FGF12: variants seen among roughly 807,000 people sequenced by gnomAD.
FGF12 encodes fibroblast growth factor 12.
In FGF12, 14 loss-of-function variants were observed where a neutral mutation model predicts 23.6. The observed-to-expected ratio is 0.59, with a 90% CI of 0.39 to 0.93. The LOEUF (loss-of-function observed/expected upper bound fraction) is 0.93. FGF12 is among the 40% of genes least tolerant of loss of function. The pLI, the probability that FGF12 is intolerant of heterozygous loss-of-function variation, is 0.00. For missense variants in FGF12, 175 were observed against 217.8 expected (o/e 0.80, Z 1.24); for synonymous variants, 62 against 77.3 (o/e 0.80, Z 1.04).
intron 2 of FGF12, among the ~76,000 whole-genome samples, chr3:192,657,112 T>C (rs1473836813): frequency 1.3e-5 from 2 of 151,720 alleles, no homozygotes; most frequent in African/African-American, 4.8e-5. Flanking sequence ...GAGGTTTTTT[T>C]TTTCCTTTAC....
At chr3:192,286,762 A>G (rs762189138) in intron 4 of FGF12, among the ~76,000 whole-genome samples, 3 of 151,906 alleles carry the variant, frequency 2.0e-5, no homozygotes, top group Non-Finnish European at 4.4e-5. Flanking sequence ...AATTATCTTC[A>G]TTTTTATCAA....
intron 2 of FGF12, among the ~76,000 whole-genome samples, chr3:192,441,959 G>A (rs757642374): frequency 6.6e-6 from 1 of 152,176 alleles, no homozygotes; most frequent in Non-Finnish European, 1.5e-5. Context: ...TAATAAAACT[G>A]CTATTGCTGC....
chr3:192,472,873 A>G (rs1009159572), intron 2 of FGF12, among the ~76,000 whole-genome samples: 1 of 152,182 alleles, frequency 6.6e-6, no homozygotes, highest in Admixed American at 6.5e-5. Context: ...TTTACTTGGT[A>G]TTGAGAAGTA....
chr3:192,222,212 G>T (rs1260459925), intron 4 of FGF12, among the ~76,000 whole-genome samples: 1 of 152,048 alleles, frequency 6.6e-6, no homozygotes, highest in East Asian at 1.9e-4. Context: ...AAAAGAGATG[G>T]ATGAAAGCCA....
intron 2 of FGF12, among the ~76,000 whole-genome samples, chr3:192,474,897 A>AAAAAAAAG (rs60312309): frequency 1.1e-4 from 17 of 149,188 alleles, no homozygotes; most frequent in African/African-American, 4.1e-4. Context: ...AAAAAAAAAA[A>AAAAAAAAG]AAAGAAAGAA....
chr3:192,654,816 G>A (rs1716340714), intron 2 of FGF12, among the ~76,000 whole-genome samples: 1 of 152,050 alleles, frequency 6.6e-6, no homozygotes, highest in Non-Finnish European at 1.5e-5. Context: ...CAGAAAGAGT[G>A]TCCTCATGAT....
intron 2 of FGF12, among the ~76,000 whole-genome samples, chr3:192,641,068 C>A: frequency 6.7e-6 from 1 of 150,080 alleles, no homozygotes; most frequent in East Asian, 2.0e-4. Flanking sequence ...AATACTGGGA[C>A]TACAGTTGTG....
intron 2 of FGF12, among the ~76,000 whole-genome samples, chr3:192,567,757 C>CTTTCT (rs1028407060): frequency 7.8e-6 from 1 of 128,224 alleles, no homozygotes; most frequent in Admixed American, 8.0e-5. Context: ...TTCTTTCTTT[C>CTTTCT]TTTCTTTCTT....
intron 4 of FGF12, among the ~76,000 whole-genome samples, chr3:192,320,309 G>A (rs936211491): frequency 3.3e-5 from 5 of 152,064 alleles, no homozygotes; most frequent in African/African-American, 4.8e-5. Flanking sequence ...AAATATAAAT[G>A]CACCCAACAC....
chr3:192,166,768 C>A (rs1466568410), intron 5 of FGF12, among the ~76,000 whole-genome samples: 1 of 151,986 alleles, frequency 6.6e-6, no homozygotes, highest in Admixed American at 6.6e-5. Flanking sequence ...AGTTAGTTCC[C>A]TAAGACAAAA....
At chr3:192,569,292 C>T (rs2108602798) in intron 2 of FGF12, among the ~76,000 whole-genome samples, 1 of 152,286 alleles carries the variant, frequency 6.6e-6, no homozygotes, top group East Asian at 1.9e-4. Context: ...TCAGTTGCTT[C>T]ATCTAATGAA....
chr3:192,346,620 T>C (rs58752024), intron 3 of FGF12, among the ~76,000 whole-genome samples: 12,550 of 152,170 alleles, frequency 0.082, 800 homozygotes, highest in African/African-American at 0.17. Context: ...ATCCAGTAAC[T>C]AGAACGCAGT....
chr3:192,522,090 C>T (rs7613295), intron 2 of FGF12, among the ~76,000 whole-genome samples: 135,164 of 151,712 alleles, frequency 0.89, 60,179 homozygotes, highest in Non-Finnish European at 0.9. Context: ...CCCAGCTACT[C>T]GGGAGGCTGA....
In FGF12 at chr3:192,310,708, G is replaced by C. The variant is rs118063025; in HGVS notation, c.228+24653C>G. 9.6e-4 allele frequency among the ~76,000 whole-genome samples: 146 copies of C among 152,274 alleles called. 2 individuals are homozygous for C. In the East Asian group the frequency reaches 0.017, roughly 18 times the overall value. On this transcript the variant is annotated intron_variant, in intron 4 of 5. Coordinates refer to ENST00000445105, the MANE Select transcript of FGF12 (RefSeq NM_004113.6). ...CTACTCAAATGTACCACCTCATTAAGAGATATGTATAATTTTTTTAAGTGC... is the reference window on the plus strand; with the variant it reads ...CTACTCAAATGTACCACCTCATTAACAGATATGTATAATTTTTTTAAGTGC...
intron 2 of FGF12, among the ~76,000 whole-genome samples, chr3:192,410,631 C>G (rs1165903282): frequency 6.6e-6 from 1 of 152,160 alleles, no homozygotes; most frequent in Non-Finnish European, 1.5e-5. Context: ...CATTTTGGAA[C>G]AGGAAAAAGT....
chr3:192,623,536 CTTTG>C (rs2108649656), intron 2 of FGF12, among the ~76,000 whole-genome samples: 1 of 152,226 alleles, frequency 6.6e-6, no homozygotes, highest in Non-Finnish European at 1.5e-5. Flanking sequence ...CTGGTGTTTA[CTTTG>C]TTTGTATTCT....
At chr3:192,703,206 C>A (rs1186174276) in intron 2 of FGF12, among the ~76,000 whole-genome samples, 1 of 152,058 alleles carries the variant, frequency 6.6e-6, no homozygotes, top group South Asian at 2.1e-4. Context: ...TCCGGACAAC[C>A]ACAATAAAGT....
intron 4 of FGF12, among the ~76,000 whole-genome samples, chr3:192,311,112 A>G (rs1157572963): frequency 6.6e-6 from 1 of 152,172 alleles, no homozygotes; most frequent in Non-Finnish European, 1.5e-5. Flanking sequence ...TTTTGTTTGG[A>G]CAAATTATCT....
intron 2 of FGF12, among the ~76,000 whole-genome samples, chr3:192,555,013 T>A (rs887305458): frequency 2.6e-5 from 4 of 151,252 alleles, no homozygotes; most frequent in African/African-American, 9.7e-5. Context: ...TGAAAAAGAG[T>A]AAAGAAAGAC....
Sources: allele counts gnomAD v4.1 joint callset (sites outside exome capture counted in the v4.1 genomes callset), GRCh38; gene constraint gnomAD v4.1.1; transcripts MANE v1.5; gene names NCBI Gene and HGNC (gene_info 2026-07-23, HGNC 2026-07-21).